CALN1: variants seen among roughly 807,000 people sequenced by gnomAD.
CALN1 encodes calneuron 1.
CALN1 carries 17 observed loss-of-function variants against 30.6 expected under a neutral mutation model. The observed-to-expected ratio is 0.56, with a 90% CI of 0.38 to 0.83. The LOEUF is 0.83. CALN1 is among the 40% of genes least tolerant of loss of function. The pLI, the probability that CALN1 is intolerant of heterozygous loss-of-function variation, is 0.00. For synonymous variants in CALN1, 156 were observed against 131.4 expected (o/e 1.19, Z -1.28); for missense variants, 291 against 354.9 (o/e 0.82, Z 1.45).
At chr7:72,392,628 T>G (rs934681476) in intron 2 of CALN1, among the ~76,000 whole-genome samples, 1 of 152,154 alleles carries the variant, frequency 6.6e-6, no homozygotes, top group East Asian at 1.9e-4. Flanking sequence ...TGAACTCTAT[T>G]GACTAATCCT....
At chr7:72,389,633 C>G (rs1229395963) in intron 2 of CALN1, among the ~76,000 whole-genome samples, 1 of 152,074 alleles carries the variant, frequency 6.6e-6, no homozygotes, top group Non-Finnish European at 1.5e-5. Flanking sequence ...AATCAAATAC[C>G]AAGGGGCTGA....
Position 72,403,431 on chromosome 7 carries a change from G to A in CALN1, c.-62C>T, listed in dbSNP as rs1274582166. 3.7e-6 allele frequency: 5 copies of A among 1,349,478 alleles called. No individual in the cohort carries two copies. In the Admixed American group the frequency reaches 6.4e-5, roughly 17 times the overall value. 83.6% of individuals were successfully genotyped at this position (1,349,478 alleles called of 1,614,324 possible). On this transcript the variant is annotated 5_prime_UTR_variant, in exon 2 of 7. Coordinates refer to ENST00000395275, the MANE Select transcript of CALN1 (RefSeq NM_031468.4). Reference sequence around the variant, plus strand: ...AGCTCATCAAAGGAACGTCAGCGAAGGCACTGAGACTCTGAAAGGAGTTGA... The same window carrying A: ...AGCTCATCAAAGGAACGTCAGCGAAAGCACTGAGACTCTGAAAGGAGTTGA...
intron 3 of CALN1, among the ~76,000 whole-genome samples, chr7:72,175,281 G>C (rs1361310261): frequency 6.6e-6 from 1 of 152,126 alleles, no homozygotes; most frequent in Non-Finnish European, 1.5e-5. Context: ...CACCGTGTTA[G>C]CCAGGATGGT....
chr7:72,018,063 C>T (rs925429968), intron 5 of CALN1, among the ~76,000 whole-genome samples: 10 of 152,042 alleles, frequency 6.6e-5, no homozygotes, highest in East Asian at 1.9e-4. Context: ...CATGGCAGAA[C>T]ACGGTTGCAC....
intron 3 of CALN1, among the ~76,000 whole-genome samples, chr7:72,118,045 A>G (rs1306589238): frequency 6.6e-6 from 1 of 151,958 alleles, no homozygotes; most frequent in African/African-American, 2.4e-5. Flanking sequence ...GCACAGGCCC[A>G]GTGCTCAGGG....
the CALN1 span, among the ~76,000 whole-genome samples, chr7:72,475,798 G>A: frequency 6.6e-6 from 1 of 152,248 alleles, no homozygotes; most frequent in South Asian, 2.1e-4. Flanking sequence ...TGTGTCATGG[G>A]AGGAACCTGG....
chr7:72,115,994 G>A (rs531419273), intron 3 of CALN1, among the ~76,000 whole-genome samples: 3 of 152,230 alleles, frequency 2.0e-5, no homozygotes, highest in Non-Finnish European at 2.9e-5. Flanking sequence ...GCAAATGACA[G>A]GATCTCATTC....
intron 5 of CALN1, among the ~76,000 whole-genome samples, chr7:71,928,416 T>C (rs554970500): frequency 3.0e-4 from 46 of 151,034 alleles, no homozygotes; most frequent in African/African-American, 1.1e-3. Flanking sequence ...GGGGCTTCAA[T>C]TCTCTGAGAG....
At chr7:72,168,721 TC>T (rs1033304193) in intron 3 of CALN1, among the ~76,000 whole-genome samples, 11 of 152,036 alleles carry the variant, frequency 7.2e-5, no homozygotes, top group African/African-American at 2.4e-4. Flanking sequence ...ATACTACCCT[TC>T]CTCTGCCAGT....
chr7:72,081,685 G>A (rs536420070), intron 4 of CALN1, among the ~76,000 whole-genome samples: 1 of 151,916 alleles, frequency 6.6e-6, no homozygotes, highest in East Asian at 2.0e-4. Flanking sequence ...GCCTCCTAAA[G>A]TGCTGGGATT....
chr7:72,419,363 C>T (rs1280183347), intron 1 of CALN1, among the ~76,000 whole-genome samples: 1 of 152,148 alleles, frequency 6.6e-6, no homozygotes, highest in African/African-American at 2.4e-5. Flanking sequence ...GAAGATTCCT[C>T]AGGTCTTCCT....
intron 2 of CALN1, among the ~76,000 whole-genome samples, chr7:72,315,886 C>T (rs999138994): frequency 6.6e-6 from 1 of 152,102 alleles, no homozygotes; most frequent in South Asian, 2.1e-4. Context: ...GCGAATCATG[C>T]CTGTAATCCC....
chr7:71,870,047 T>C (rs548231178), intron 5 of CALN1, among the ~76,000 whole-genome samples: 1 of 151,770 alleles, frequency 6.6e-6, no homozygotes, highest in African/African-American at 2.4e-5. Context: ...CGATGAGGAG[T>C]GGGGATGGGC....
chr7:71,840,427 A>G (rs1789866926), intron 5 of CALN1, among the ~76,000 whole-genome samples: 1 of 150,828 alleles, frequency 6.6e-6, no homozygotes, highest in Admixed American at 6.6e-5. Context: ...TACAGCTGCA[A>G]TGAGCTACGA....
At chr7:72,071,313 G>T (rs1804377766) in intron 4 of CALN1, among the ~76,000 whole-genome samples, 1 of 152,124 alleles carries the variant, frequency 6.6e-6, no homozygotes, top group Non-Finnish European at 1.5e-5. Flanking sequence ...AGGGGCCACT[G>T]TTGCTACACC....
chr7:72,316,179 T>C (rs1370888853), intron 2 of CALN1, among the ~76,000 whole-genome samples: 1 of 151,676 alleles, frequency 6.6e-6, no homozygotes, highest in Non-Finnish European at 1.5e-5. Flanking sequence ...AAAGAATTTG[T>C]CCTTAAAAAA....
At chr7:72,429,850 G>C (rs1270203260) in intron 1 of CALN1, among the ~76,000 whole-genome samples, 2 of 150,716 alleles carry the variant, frequency 1.3e-5, no homozygotes, top group Non-Finnish European at 2.9e-5. Flanking sequence ...ATGGAGTCTT[G>C]CTCTGTCACC....
chr7:72,169,668 TTTG>T lies in CALN1; in HGVS notation c.245-63377_245-63375del, dbSNP rs1331469849. 5.9e-5 allele frequency among the ~76,000 whole-genome samples: 9 copies of T among 151,844 alleles called. No homozygotes were observed. The East Asian group carries it at 1.5e-3, about 26-fold the overall frequency. On this transcript the variant is annotated intron_variant, in intron 3 of 6. Coordinates refer to ENST00000395275, the MANE Select transcript of CALN1 (RefSeq NM_031468.4). ...TTCTCCCTCTAAGGCTTTAATTTTT[TTTG>T]TTATTTTCTTTTTCTTTTTTCCTTT...
intron 2 of CALN1, among the ~76,000 whole-genome samples, chr7:72,380,942 G>A (rs1804863379): frequency 6.6e-6 from 1 of 152,154 alleles, no homozygotes. Flanking sequence ...GCAGATCACT[G>A]CAAAGAGAGC....
Sources: gnomAD v4.1 joint callset for allele counts (sites outside exome capture counted in the v4.1 genomes callset) on GRCh38, gnomAD v4.1.1 for gene constraint, MANE v1.5 for transcripts, NCBI Gene and HGNC (gene_info 2026-07-23, HGNC 2026-07-21) for gene names.